The following ZNF536 variants were observed in gnomAD, a reference collection of about 807,000 sequenced individuals.
ZNF536 encodes the protein zinc finger protein 536.
ZNF536 carries 13 observed loss-of-function variants against 84.5 expected under a neutral mutation model. The observed-to-expected ratio is 0.15, with a 90% CI of 0.10 to 0.24. ZNF536 has a LOEUF of 0.24. Ranked by LOEUF, ZNF536 falls within the 10% of genes least tolerant of loss-of-function variation. The pLI is 1.00. For missense variants in ZNF536, 1,536 were observed against 1,747.5 expected, an observed-to-expected ratio of 0.88 and a Z score of 2.16; for synonymous variants, 811 against 742.5, an observed-to-expected ratio of 1.09 and a Z score of -1.50.
At chr19:30,582,275 G>A (rs905672496) in intron 1 of ZNF536, among the ~76,000 whole-genome samples, 1 of 152,078 alleles carries the variant, frequency 6.6e-6, no homozygotes, top group Non-Finnish European at 1.5e-5. Flanking sequence ...GGAGCCTGTG[G>A]GTGTGATTCT....
chr19:30,256,237 A>G (rs1228469498), intron 1 of ZNF536, among the ~76,000 whole-genome samples: 1 of 152,240 alleles, frequency 6.6e-6, no homozygotes, highest in Non-Finnish European at 1.5e-5. Flanking sequence ...TGAAATTCTG[A>G]AAGCATCCTG....
chr19:30,307,248 C>T (rs2046366999), intron 2 of ZNF536, among the ~76,000 whole-genome samples: 1 of 151,940 alleles, frequency 6.6e-6, no homozygotes, highest in African/African-American at 2.4e-5. Context: ...ATACCTCCCC[C>T]CCCTTTTTTG....
At chr19:30,401,851 GTTA>G (rs1453288842) in intron 1 of ZNF536, among the ~76,000 whole-genome samples, 4 of 152,098 alleles carry the variant, frequency 2.6e-5, no homozygotes, top group African/African-American at 9.7e-5. Context: ...CTGTTATGGG[GTTA>G]TTTTTATCTT....
intron 1 of ZNF536, among the ~76,000 whole-genome samples, chr19:30,249,855 C>G (rs977823959): frequency 2.0e-5 from 3 of 152,140 alleles, no homozygotes; most frequent in African/African-American, 7.2e-5. Context: ...AAGTGTCTAG[C>G]CAAGAGATAG....
At chr19:30,591,599 A>G (rs1237168358) in intron 1 of ZNF536, among the ~76,000 whole-genome samples, 1 of 152,168 alleles carries the variant, frequency 6.6e-6, no homozygotes, top group Non-Finnish European at 1.5e-5. Context: ...TTACAATTCA[A>G]GGTGAGATTT....
At chr19:30,240,594 C>T (rs986715425) in intron 1 of ZNF536, among the ~76,000 whole-genome samples, 1 of 152,202 alleles carries the variant, frequency 6.6e-6, no homozygotes, top group Non-Finnish European at 1.5e-5. Context: ...CTGGCCCGCA[C>T]ATGAACTGTT....
At chr19:30,418,778 G>A (rs2050836656) in intron 1 of ZNF536, among the ~76,000 whole-genome samples, 1 of 152,080 alleles carries the variant, frequency 6.6e-6, no homozygotes, top group African/African-American at 2.4e-5. Context: ...TCCAAATTAT[G>A]CAATTAAGAT....
At chr19:30,692,057 G>T (rs2051434648) in intron 1 of ZNF536, among the ~76,000 whole-genome samples, 2 of 152,234 alleles carry the variant, frequency 1.3e-5, no homozygotes, top group South Asian at 4.1e-4. Flanking sequence ...GCCCTTAAGA[G>T]TTAAATCATG....
intron 1 of ZNF536, among the ~76,000 whole-genome samples, chr19:30,632,064 G>C (rs2048907213): frequency 6.6e-6 from 1 of 152,170 alleles, no homozygotes; most frequent in Non-Finnish European, 1.5e-5. Context: ...TCTTCTCCTG[G>C]TGGGGGTTCA....
intron 1 of ZNF536, among the ~76,000 whole-genome samples, chr19:30,234,601 C>T (rs1469427926): frequency 6.6e-6 from 1 of 151,828 alleles, no homozygotes; most frequent in Non-Finnish European, 1.5e-5. Flanking sequence ...AGGGTTTCAC[C>T]ATGTTAGCCA....
intron 1 of ZNF536, among the ~76,000 whole-genome samples, chr19:30,662,602 A>G (rs1243764576): frequency 6.6e-6 from 1 of 152,068 alleles, no homozygotes; most frequent in Non-Finnish European, 1.5e-5. Context: ...TGAATACATG[A>G]ACTACGATAA....
chr19:30,468,021 T>C (rs935412013), intron 2 of ZNF536, among the ~76,000 whole-genome samples: 2 of 152,216 alleles, frequency 1.3e-5, no homozygotes, highest in African/African-American at 4.8e-5. Flanking sequence ...CTGGAGCTCA[T>C]GCTGGGAGTG....
Position 30,345,948 on chromosome 19 carries a change from C to T in ZNF536, c.-119-6420C>T, listed in dbSNP as rs990351916. ...CTGGAGAGTGTCTCATTCAAACTCC[C>T]GTGTACAGCACTTGTGCTTTGTTGC... is the stretch of plus-strand genomic sequence containing the variant. On this transcript the variant is annotated intron_variant, in intron 2 of 5. Coordinates refer to the ZNF536 transcript ENST00000585628. 3.9e-5 allele frequency among the ~76,000 whole-genome samples: 6 copies of T among 152,174 alleles called. No homozygotes were observed. The South Asian group carries it at 8.3e-4, about 21-fold the overall frequency.
At chr19:30,481,059 GC>G (rs1295521923) in intron 2 of ZNF536, among the ~76,000 whole-genome samples, 2 of 151,216 alleles carry the variant, frequency 1.3e-5, no homozygotes, top group African/African-American at 4.9e-5. Flanking sequence ...GGGTTGGGGG[GC>G]TTTTTAGCTG....
intron 1 of ZNF536, among the ~76,000 whole-genome samples, chr19:30,396,819 C>A (rs1440151399): frequency 6.6e-6 from 1 of 151,994 alleles, no homozygotes; most frequent in Non-Finnish European, 1.5e-5. Context: ...TGGCCAGGCT[C>A]GTCTCGAACT....
At position 30,513,903 on chromosome 19, in the gene ZNF536, C is replaced by G. The variant is rs564992969; in HGVS notation, c.2171-20944C>G. Among the ~76,000 whole-genome samples the G allele has an allele frequency of 3.3e-5, 5 of 152,296 alleles. No homozygotes were observed. In the East Asian group the frequency reaches 9.6e-4, roughly 29 times the overall value. On this transcript the variant is annotated intron_variant, in intron 2 of 4. Transcript: ENST00000355537. ...GGGGGATTTTGAAGGATTCTGAGAC[C>G]CTCAAACTCAGGGCTGAGCAGTTTA...
chr19:30,535,509 G>A (rs1224191187), intron 3 of ZNF536, among the ~76,000 whole-genome samples: 1 of 152,140 alleles, frequency 6.6e-6, no homozygotes, highest in Non-Finnish European at 1.5e-5. Context: ...ACTCCATGTG[G>A]CGTGGTGGAA....
rs117567404 is a variant in ZNF536 at position 30,620,796 on chromosome 19, C to T, written c.169+71282C>T. ...AAAACAACATAAAAGGTCCTCCCTC[C>T]GGCAGATCTGTGTCCATGCAGAACT... On this transcript the variant is annotated intron_variant, in intron 1 of 1. Coordinates refer to the ZNF536 transcript ENST00000592773. 5.9e-3 allele frequency among the ~76,000 whole-genome samples: 892 copies of T among 152,170 alleles called. 2 individuals are homozygous for T. The highest frequency in any genetic ancestry group is 9.2e-3 in the Admixed American group (141 of 15,290).
intron 2 of ZNF536, among the ~76,000 whole-genome samples, chr19:30,299,120 T>C (rs1045943412): frequency 4.6e-5 from 7 of 152,218 alleles, no homozygotes; most frequent in Non-Finnish European, 1.0e-4. Context: ...TTTATTGAAA[T>C]CACTGATTTT....
Sources: allele counts gnomAD v4.1 joint callset (sites outside exome capture counted in the v4.1 genomes callset), GRCh38; gene constraint gnomAD v4.1.1; transcripts MANE v1.5; gene names NCBI Gene and HGNC (gene_info 2026-07-23, HGNC 2026-07-21).